Variants in MEX3C observed in about 807,000 individuals in gnomAD.
MEX3C encodes RNA-binding E3 ubiquitin-protein ligase MEX3C.
In MEX3C, 15 loss-of-function variants were observed where a neutral mutation model predicts 35.5. That is an observed-to-expected ratio of 0.42 (90% confidence interval 0.28 to 0.65). The LOEUF is 0.65. Among genes scored for constraint, MEX3C ranks in the 30% least tolerant of loss-of-function variants. The pLI, the probability that MEX3C is intolerant of heterozygous loss-of-function variation, is 0.20. For missense variants in MEX3C, 711 were observed against 842.8 expected, an observed-to-expected ratio of 0.84 and a Z score of 1.94; for synonymous variants, 390 against 352.8, an observed-to-expected ratio of 1.11 and a Z score of -1.18.
At chr18:51,180,246 A>C (rs998546486) in intron 1 of MEX3C, among the ~76,000 whole-genome samples, 7 of 152,184 alleles carry the variant, frequency 4.6e-5, no homozygotes, top group Non-Finnish European at 7.3e-5. Context: ...TTATTAACTG[A>C]GGAAATATGC....
chr18:51,197,314 T>C lies in MEX3C; in HGVS notation c.7A>G (p.Ser3Gly), dbSNP rs1321502989. ...AGGGCCAGGGCCGCGGAGCTGCCGC[T>C]GGGCATCGCGGCGGCGCGCTGTCAA... is the stretch of plus-strand genomic sequence containing the variant. MP[S>G]GSSAALALAA... The change falls in exon 1 of 2, where the codon AGC becomes GGC. Residue 3 changes from serine to glycine, a missense_variant. Ser to Gly is a moderately conservative substitution (Grantham distance 56). Around this residue, in one of 4 missense-constraint regions of MEX3C, gnomAD observed 354 missense variants for 311.6 expected, o/e 1.14. Transcript: ENST00000406189. 2 of 523,182 alleles carry C rather than the reference T, an allele frequency of 3.8e-6. No individual in the cohort carries two copies. Among genetic ancestry groups the C allele is most frequent in the Admixed American group, 6.6e-5 (1 of 15,208 alleles). The allele number at this position is 523,182 out of a possible 1,614,324, so 32.4% of individuals were successfully genotyped here. A position where few individuals can be genotyped will look rare whatever the true frequency, so the allele number is the denominator to read the frequency against.
chr18:51,186,921 TTATGTG>T (rs1220805143), intron 1 of MEX3C, among the ~76,000 whole-genome samples: 1 of 152,240 alleles, frequency 6.6e-6, no homozygotes, highest in African/African-American at 2.4e-5. Flanking sequence ...CACAACTGCA[TTATGTG>T]TATATTTTCA....
intron 1 of MEX3C, among the ~76,000 whole-genome samples, chr18:51,187,015 T>TA (rs1912555788): frequency 6.6e-6 from 1 of 152,126 alleles, no homozygotes; most frequent in African/African-American, 2.4e-5. Flanking sequence ...AGAGGGGAGT[T>TA]AAACATCTTG....
Position 51,176,521 on chromosome 18 carries a change from G to A in MEX3C, c.1810C>T (p.Arg604Ter), listed in dbSNP as rs759341802. The A allele has an allele frequency of 3.7e-6, 6 of 1,613,972 alleles. No individual in the cohort carries two copies. The highest frequency in any genetic ancestry group is 1.1e-5 in the South Asian group (1 of 91,078). The change falls in exon 2 of 2, where the codon CGA (arginine) becomes TGA (stop). Residue 604 changes from arginine (R) to a stop codon, truncating the protein, a stop_gained. Coordinates refer to ENST00000406189, the MANE Select transcript of MEX3C (RefSeq NM_016626.5). LOFTEE classifies it high-confidence loss of function. The stretch of plus-strand genomic sequence containing the variant: ...AAGCAAATCACACAGTCGTGCTTTC[G>A]TCTTGATTCTGGAGGTGAGCTAGAG... ...STSSSPPESR[R>*]KHDCVICFEN...
chr18:51,184,318 C>G (rs893109739), intron 1 of MEX3C, among the ~76,000 whole-genome samples: 7 of 152,036 alleles, frequency 4.6e-5, no homozygotes, highest in Admixed American at 4.6e-4. Flanking sequence ...ACAGTGAGAC[C>G]CTGAACAGAC....
rs1370863474 is a variant in MEX3C at position 51,196,799 on chromosome 18, G to C, written c.522C>G (p.Ala174=). ...CCGCCGCCGCGGCCGCCGCCTCCCGGGCATCGAACCTGGCGGCTGGCAGCA... is the reference window on the plus strand; with the variant it reads ...CCGCCGCCGCGGCCGCCGCCTCCCGCGCATCGAACCTGGCGGCTGGCAGCA... ...SVLLPAARFD[A]REAAAAAAAA... The change falls in exon 1 of 2, where the codon GCC becomes GCG. Residue 174 remains alanine (A), a synonymous_variant. Coordinates refer to ENST00000406189, the MANE Select transcript of MEX3C (RefSeq NM_016626.5). 8.5e-6 allele frequency: 13 copies of C among 1,530,792 alleles called. No individual in the cohort carries two copies. The highest frequency in any genetic ancestry group is 7.0e-5 in the African/African-American group (5 of 71,214). The allele number at this position is 1,530,792 out of a possible 1,614,324, so 94.8% of individuals were successfully genotyped here.
chr18:51,194,239 G>C (rs1431278400), intron 1 of MEX3C: 1 of 152,208 alleles, frequency 6.6e-6, no homozygotes, highest in African/African-American at 2.4e-5. Context: ...TGATCCACAA[G>C]TTGTATGGTT....
At chr18:51,196,487 C>T in intron 1 of MEX3C, 80 bp downstream of exon 1, 1 of 1,496,908 alleles carries the variant, frequency 6.7e-7, no homozygotes, top group Non-Finnish European at 8.9e-7. Context: ...TTCGCCTTTT[C>T]CGTCCCACGC....
At chr18:51,179,342 C>A (rs1377529148) in intron 1 of MEX3C, among the ~76,000 whole-genome samples, 1 of 152,162 alleles carries the variant, frequency 6.6e-6, no homozygotes, top group Admixed American at 6.5e-5. Context: ...CACTTTTTTG[C>A]ACAAAGTGGA....
At chr18:51,188,067 A>C (rs1340416119) in intron 1 of MEX3C, among the ~76,000 whole-genome samples, 2 of 152,234 alleles carry the variant, frequency 1.3e-5, no homozygotes, top group African/African-American at 4.8e-5. Context: ...TAAATGCATA[A>C]TATAAAACTA....
intron 1 of MEX3C, among the ~76,000 whole-genome samples, chr18:51,182,464 T>C (rs1355665427): frequency 1.3e-5 from 2 of 152,228 alleles, no homozygotes; most frequent in Non-Finnish European, 2.9e-5. Flanking sequence ...TAGACTAGAC[T>C]GTTTAGAGGT....
intron 1 of MEX3C, among the ~76,000 whole-genome samples, chr18:51,188,307 T>G (rs1171655029): frequency 2.0e-5 from 3 of 152,160 alleles, no homozygotes; most frequent in Non-Finnish European, 4.4e-5. Flanking sequence ...GGTCCTTACA[T>G]AAAAAGCTGT....
chr18:51,192,209 C>T (rs1912666866), intron 1 of MEX3C, among the ~76,000 whole-genome samples: 1 of 152,052 alleles, frequency 6.6e-6, no homozygotes, highest in African/African-American at 2.4e-5. Flanking sequence ...ACAAAATACA[C>T]CCTTGAATTA....
At chr18:51,186,330 C>A (rs1348004640) in intron 1 of MEX3C, among the ~76,000 whole-genome samples, 1 of 152,136 alleles carries the variant, frequency 6.6e-6, no homozygotes, top group Non-Finnish European at 1.5e-5. Context: ...TTACTACTTA[C>A]AGTAAATAAA....
At chr18:51,180,711 G>C (rs1194603218) in intron 1 of MEX3C, among the ~76,000 whole-genome samples, 1 of 152,174 alleles carries the variant, frequency 6.6e-6, no homozygotes, top group African/African-American at 2.4e-5. Flanking sequence ...TCAAACTCCT[G>C]AACTCAGGTG....
Position 51,176,115 on chromosome 18 carries a change from G to A in MEX3C, c.*236C>T. 2.6e-6 allele frequency: 1 copy of A among 385,588 alleles called. No individual in the cohort carries two copies. Among genetic ancestry groups the A allele is most frequent in the African/African-American group, 2.1e-5 (1 of 48,350 alleles). The allele number at this position is 385,588 out of a possible 1,614,324, so 23.9% of individuals were successfully genotyped here. On this transcript the variant is annotated 3_prime_UTR_variant, in exon 2 of 2. Transcript: ENST00000406189. Reference sequence around the variant, plus strand: ...CTTTAGCAATTCTTATATAAACTATGTCTCTGGGTCTACAGGATAGTACTA... The same window carrying A: ...CTTTAGCAATTCTTATATAAACTATATCTCTGGGTCTACAGGATAGTACTA...
chr18:51,179,382 C>G (rs558351457), intron 1 of MEX3C, among the ~76,000 whole-genome samples: 120 of 152,186 alleles, frequency 7.9e-4, no homozygotes, highest in African/African-American at 2.7e-3. Flanking sequence ...CAAAGCATTC[C>G]CAAGCCACTA....
chr18:51,189,627 C>T (rs1195777125), intron 1 of MEX3C, among the ~76,000 whole-genome samples: 1 of 151,866 alleles, frequency 6.6e-6, no homozygotes, highest in Non-Finnish European at 1.5e-5. Flanking sequence ...TTTCAGTAAA[C>T]CTGAAAGAAA....
chr18:51,175,057 T>C lies in MEX3C; in HGVS notation c.*1294A>G, dbSNP rs1013614321. The C allele has an allele frequency of 6.5e-6, 1 of 152,766 alleles. No homozygotes were observed. Among genetic ancestry groups the C allele is most frequent in the East Asian group, 1.9e-4 (1 of 5,192 alleles). The allele number at this position is 152,766 out of a possible 1,614,324, so 9.5% of individuals were successfully genotyped here. On this transcript the variant is annotated 3_prime_UTR_variant, in exon 2 of 2. Coordinates refer to ENST00000406189, the MANE Select transcript of MEX3C (RefSeq NM_016626.5). ...GAAAAAATCAAAATAAAAACCGTTA[T>C]TTGTAAACTTTTATACGAAATGTAA...
Sources: gnomAD v4.1 joint callset for allele counts (sites outside exome capture counted in the v4.1 genomes callset) on GRCh38, gnomAD v4.1.1 for gene constraint, gnomAD v4.1.1 regional missense constraint, MANE v1.5 for transcripts, NCBI Gene and HGNC (gene_info 2026-07-23, HGNC 2026-07-21) for gene names.